The following HOXB3 variants were observed in gnomAD, a reference collection of about 807,000 sequenced individuals.
The protein encoded by HOXB3 is homeobox B3, also known as homeobox protein Hox-B3.
In HOXB3, 17 loss-of-function variants were observed where a neutral mutation model predicts 29.2. The ratio of observed to expected loss-of-function variants is 0.58; its 90% confidence interval spans 0.40 to 0.87. The LOEUF (loss-of-function observed/expected upper bound fraction) is 0.87. Among genes scored for constraint, HOXB3 ranks in the 40% least tolerant of loss-of-function variants. The pLI is 0.00. For synonymous variants in HOXB3, 317 were observed against 285.9 expected, an observed-to-expected ratio of 1.11 and a Z score of -1.10; for missense variants, 637 against 616.3, an observed-to-expected ratio of 1.03 and a Z score of -0.35.
At chr17:48,578,510 G>T in intron 1 of HOXB3, 1 of 643,532 alleles carries the variant, frequency 1.6e-6, no homozygotes. Flanking sequence ...CCCCACTCCA[G>T]CCAAAGAGGT....
intron 4 of HOXB3, 168 bp from the exon 5 acceptor site, chr17:48,551,349 G>T: frequency 1.4e-6 from 1 of 704,922 alleles, no homozygotes; most frequent in Non-Finnish European, 1.9e-6. Flanking sequence ...CCACCCCACC[G>T]CCCGTCGCAT....
chr17:48,576,752 G>A (rs2069777707), intron 1 of HOXB3: 3 of 1,613,102 alleles, frequency 1.9e-6, no homozygotes, highest in Non-Finnish European at 2.5e-6. Flanking sequence ...CATTGGGCCG[G>A]CCAGGGGGCC....
At chr17:48,558,890 AC>A (rs2069094067) in intron 2 of HOXB3, among the ~76,000 whole-genome samples, 1 of 151,914 alleles carries the variant, frequency 6.6e-6, no homozygotes, top group Non-Finnish European at 1.5e-5. Flanking sequence ...TGGGAGGGAA[AC>A]CTGGAAAACT....
At chr17:48,571,194 G>A (rs1228425405) in intron 2 of HOXB3, among the ~76,000 whole-genome samples, 1 of 152,222 alleles carries the variant, frequency 6.6e-6, no homozygotes, top group African/African-American at 2.4e-5. Context: ...TGTGAGAAAG[G>A]CGAGATTGAT....
intron 2 of HOXB3, among the ~76,000 whole-genome samples, chr17:48,564,309 G>A (rs1435701394): frequency 6.6e-6 from 1 of 151,810 alleles, no homozygotes; most frequent in Non-Finnish European, 1.5e-5. Flanking sequence ...CTCGGCCCAG[G>A]CTGGGGCTCC....
intron 2 of HOXB3, among the ~76,000 whole-genome samples, chr17:48,558,363 G>A (rs1308977531): frequency 1.3e-5 from 2 of 152,116 alleles, no homozygotes; most frequent in African/African-American, 4.8e-5. Flanking sequence ...GGGCATAGTG[G>A]GGTGGGAGTG....
Position 48,554,215 on chromosome 17 carries a change from A to G in HOXB3, c.-159+1316T>C, listed in dbSNP as rs1156502043. ...CCAAGCAGCCCTGGCTGAAGGGGGAATTAATTAACAGGCATTAGTTGTGGT... is the reference window on the plus strand; with the variant it reads ...CCAAGCAGCCCTGGCTGAAGGGGGAGTTAATTAACAGGCATTAGTTGTGGT... On this transcript the variant is annotated intron_variant, in intron 3 of 4. Coordinates refer to ENST00000498678, the MANE Select transcript of HOXB3 (RefSeq NM_001384749.1). This position sits in a 1 kb window ranked among gnomAD's most constrained non-coding sequence, Gnocchi z 4.1. 5.5e-6 allele frequency: 1 copy of G among 181,060 alleles called. No homozygotes were observed. The highest frequency in any genetic ancestry group is 2.5e-5 in the African/African-American group (1 of 40,780). 11.2% of individuals were successfully genotyped at this position (181,060 alleles called of 1,614,324 possible). A position where few individuals can be genotyped will look rare whatever the true frequency, so the allele number is the denominator to read the frequency against.
chr17:48,561,162 A>G (rs1428059409), intron 2 of HOXB3, among the ~76,000 whole-genome samples: 2 of 140,458 alleles, frequency 1.4e-5, no homozygotes, highest in African/African-American at 2.6e-5. Context: ...CCTGGGCAAC[A>G]AGAGCGAAAC....
rs569979335 is a variant in HOXB3, at chr17:48,550,934, G to C, written c.696C>G (p.Ile232Met). The change falls in exon 5 of 5, where the codon ATC becomes ATG. Residue 232 changes from isoleucine to methionine, a missense_variant. Coordinates refer to ENST00000498678, the MANE Select transcript of HOXB3 (RefSeq NM_001384749.1). Reference sequence around the variant, plus strand: ...TGCGCCGGTTCTGGAACCAGATCTTGATCTGCCGCTCGCTGAGGTTCAGCA... The same window carrying C: ...TGCGCCGGTTCTGGAACCAGATCTTCATCTGCCGCTCGCTGAGGTTCAGCA... ...ANLLNLSERQ[I>M]KIWFQNRRMK... 3 of 1,613,864 alleles carry C rather than the reference G, an allele frequency of 1.9e-6. No homozygotes were observed. The highest frequency in any genetic ancestry group is 2.7e-5 in the African/African-American group (2 of 74,870).
At position 48,550,571 on chromosome 17, in the gene HOXB3, C is replaced by G; in HGVS notation, c.1059G>C (p.Val353=). The change falls in exon 5 of 5, where the codon GTG becomes GTC. Residue 353 remains valine (V), a synonymous_variant. Transcript: ENST00000498678. ...TPTMQGSPVY[V]GGGGYADPLP... ...GCGGATCCGCGTAGCCGCCCCCGCC[C>G]ACGTACACCGGACTGCCCTGCATGG... 2 of 1,528,132 alleles carry G rather than the reference C, an allele frequency of 1.3e-6. No homozygotes were observed. The highest frequency in any genetic ancestry group is 4.5e-5 in the East Asian group (2 of 44,460). 94.7% of individuals were successfully genotyped at this position (1,528,132 alleles called of 1,614,324 possible). A position where few individuals can be genotyped will look rare whatever the true frequency, so the allele number is the denominator to read the frequency against.
rs546055574 is a variant in HOXB3 at position 48,551,152 on chromosome 17, C to T, written c.478G>A (p.Gly160Ser). The T allele has an allele frequency of 5.2e-4, 679 of 1,301,158 alleles. 3 individuals carry two copies. The African/African-American group carries it at 9.3e-3, about 18-fold the overall frequency. 80.6% of individuals were successfully genotyped at this position (1,301,158 alleles called of 1,614,324 possible). A position where few individuals can be genotyped will look rare whatever the true frequency, so the allele number is the denominator to read the frequency against. The change falls in exon 5 of 5, where the codon GGC becomes AGC. Residue 160 changes from glycine to serine, a missense_variant. Physicochemically the swap from Gly to Ser is moderately conservative, Grantham distance 56. Coordinates refer to ENST00000498678, the MANE Select transcript of HOXB3 (RefSeq NM_001384749.1). ...CTGCCACCACTGCCTCCGCCGCCGC[C>T]GCCACCGCCGCCGCCACCACAGCCC... ...AEGCGGGGGG[G>S]GGGGSGGSGG... is the part of the protein sequence containing the mutation.
intron 2 of HOXB3, among the ~76,000 whole-genome samples, chr17:48,568,573 A>G (rs2069467754): frequency 6.6e-6 from 1 of 152,114 alleles, no homozygotes; most frequent in African/African-American, 2.4e-5. Context: ...TCCGTGAAAA[A>G]TGATTTATCG....
intron 1 of HOXB3, among the ~76,000 whole-genome samples, chr17:48,584,585 TG>T (rs1436825198): frequency 6.6e-6 from 1 of 152,188 alleles, no homozygotes; most frequent in Non-Finnish European, 1.5e-5. Context: ...TACAAAGACG[TG>T]GGGGTAATTT....
intron 2 of HOXB3, among the ~76,000 whole-genome samples, chr17:48,570,833 G>C (rs958929535): frequency 4.6e-5 from 7 of 152,162 alleles, no homozygotes; most frequent in African/African-American, 1.7e-4. Context: ...ATCCCGATGT[G>C]GGCCCTGCTC....
At chr17:48,574,282 C>A (rs1283895773) in intron 1 of HOXB3, 1 of 171,244 alleles carries the variant, frequency 5.8e-6, no homozygotes, top group Admixed American at 5.7e-5. Context: ...CATCCCCTTG[C>A]AGCTAAACCA....
rs2068893085 is a variant in HOXB3 at position 48,554,759 on chromosome 17, A to C, written c.-159+772T>G. 1.4e-6 allele frequency: 1 copy of C among 702,230 alleles called. No individual in the cohort carries two copies. The highest frequency in any genetic ancestry group is 2.6e-6 in the Non-Finnish European group (1 of 384,836). 43.5% of individuals were successfully genotyped at this position (702,230 alleles called of 1,614,324 possible). A position where few individuals can be genotyped will look rare whatever the true frequency, so the allele number is the denominator to read the frequency against. On this transcript the variant is annotated intron_variant, in intron 3 of 4. Transcript: ENST00000498678. This position sits in a 1 kb window ranked among gnomAD's most constrained non-coding sequence, Gnocchi z 4.1. ...GGCGGCAGCAAGTTTTGGGAGCTGGAGGTAACCGAATTAAAAGGCGCCTTA... is the reference window on the plus strand; with the variant it reads ...GGCGGCAGCAAGTTTTGGGAGCTGGCGGTAACCGAATTAAAAGGCGCCTTA...
Position 48,550,457 on chromosome 17 carries a change from AG to A in HOXB3, c.1172del (p.Pro391LeufsTer38). ...GTCCGTGGTGCTGGCTGGGCGCCAT[AG>A]GGGGCGCCCCGTTGTAGTCCAGGTT... ...SGNLDYNGAP[P>X]MAPSQHHGPC... On this transcript the variant is annotated frameshift_variant, in exon 5 of 5. Coordinates refer to ENST00000498678, the MANE Select transcript of HOXB3 (RefSeq NM_001384749.1). LOFTEE classifies it high-confidence loss of function. 1 of 1,612,906 alleles carries A rather than the reference AG, an allele frequency of 6.2e-7. No homozygotes were observed.
chr17:48,554,617 G>GCTAC lies in HOXB3; in HGVS notation c.-159+910_-159+913dup, dbSNP rs760352447. Reference sequence around the variant, plus strand: ...CTGCTGCCGCGGCGACTGGCGACAAGCTACCAGCCACCTACGATGGCCCAA... The same window carrying GCTAC: ...CTGCTGCCGCGGCGACTGGCGACAAGCTACCTACCAGCCACCTACGATGGCCCAA... On this transcript the variant is annotated intron_variant, in intron 3 of 4. Coordinates refer to ENST00000498678, the MANE Select transcript of HOXB3 (RefSeq NM_001384749.1). The surrounding 1 kb of genome is among the most constrained non-coding windows in gnomAD (Gnocchi z 4.1). 1 of 701,582 alleles carries GCTAC rather than the reference G, an allele frequency of 1.4e-6. No homozygotes were observed. Among genetic ancestry groups the GCTAC allele is most frequent in the Non-Finnish European group, 2.6e-6 (1 of 384,618 alleles). 43.5% of individuals were successfully genotyped at this position (701,582 alleles called of 1,614,324 possible). A position where few individuals can be genotyped will look rare whatever the true frequency, so the allele number is the denominator to read the frequency against.
chr17:48,560,443 G>A (rs2069153440), intron 2 of HOXB3: 1 of 152,106 alleles, frequency 6.6e-6, no homozygotes, highest in African/African-American at 2.4e-5. Context: ...CTAGGCTTTA[G>A]GAAGTGGATT....
Sources: gnomAD v4.1 joint callset for allele counts (sites outside exome capture counted in the v4.1 genomes callset) on GRCh38, gnomAD v4.1.1 for gene constraint, Gnocchi (gnomAD v3.1) non-coding constraint, MANE v1.5 for transcripts, NCBI Gene and HGNC (gene_info 2026-07-23, HGNC 2026-07-21) for gene names.